Variants in KCNQ3 observed in about 807,000 individuals in gnomAD.
The protein encoded by KCNQ3 is potassium voltage-gated channel subfamily Q member 3, also known as potassium voltage-gated channel subfamily KQT member 3.
Under a neutral mutation model 92.5 loss-of-function variants are expected in KCNQ3, and 30 were observed. That is an observed-to-expected ratio of 0.32 (90% CI 0.24 to 0.44). The LOEUF is 0.44. Among genes scored for constraint, KCNQ3 ranks in the 20% least tolerant of loss-of-function variants. The pLI, the probability that KCNQ3 is intolerant of heterozygous loss-of-function variation, is 1.00. For missense variants in KCNQ3, 913 were observed against 1,140.3 expected (o/e 0.80, Z 2.87); for synonymous variants, 450 against 468.8 (o/e 0.96, Z 0.52).
At chr8:132,302,354 T>A (rs1401019451) in intron 1 of KCNQ3, among the ~76,000 whole-genome samples, 3 of 152,224 alleles carry the variant, frequency 2.0e-5, no homozygotes, top group Non-Finnish European at 4.4e-5. Flanking sequence ...TTCATTTTCA[T>A]GGTGACAATG....
Position 132,316,567 on chromosome 8 carries a change from G to A in KCNQ3, c.387-130386C>T, listed in dbSNP as rs565840201. 9.7e-4 allele frequency among the ~76,000 whole-genome samples: 147 copies of A among 152,220 alleles called. 3 individuals carry two copies. Among genetic ancestry groups the A allele is most frequent in the Admixed American group, 6.5e-4 (10 of 15,286 alleles). Reference sequence around the variant, plus strand: ...GTACTAGCACAGCATCTAGCCCAGAGTGATTGTGAAATTCTGCACACATCT... The same window carrying A: ...GTACTAGCACAGCATCTAGCCCAGAATGATTGTGAAATTCTGCACACATCT... On this transcript the variant is annotated intron_variant, in intron 1 of 14. Coordinates refer to ENST00000388996, the MANE Select transcript of KCNQ3 (RefSeq NM_004519.4).
intron 1 of KCNQ3, among the ~76,000 whole-genome samples, chr8:132,256,309 G>A (rs976779834): frequency 6.6e-6 from 1 of 151,838 alleles, no homozygotes; most frequent in Non-Finnish European, 1.5e-5. Flanking sequence ...TCAAATTGAG[G>A]AATAAAAAGA....
intron 1 of KCNQ3, among the ~76,000 whole-genome samples, chr8:132,361,256 A>G (rs1819160703): frequency 6.6e-6 from 1 of 152,156 alleles, no homozygotes; most frequent in African/African-American, 2.4e-5. Flanking sequence ...CACAGAGAAC[A>G]CTGCAAGCAA....
chr8:132,137,859 A>G, intron 12 of KCNQ3, 26 bp downstream of exon 12: 2 of 1,613,248 alleles, frequency 1.2e-6, no homozygotes, highest in Non-Finnish European at 8.5e-7. Context: ...AGGGGAGCGC[A>G]GTCCCTCCAG....
At chr8:132,384,459 T>C (rs576864036) in intron 1 of KCNQ3, among the ~76,000 whole-genome samples, 1 of 152,312 alleles carries the variant, frequency 6.6e-6, no homozygotes, top group Non-Finnish European at 1.5e-5. Flanking sequence ...AAAGAGGTCA[T>C]GTACAATGGA....
At chr8:132,268,508 C>T (rs1816058253) in intron 1 of KCNQ3, among the ~76,000 whole-genome samples, 1 of 152,158 alleles carries the variant, frequency 6.6e-6, no homozygotes, top group South Asian at 2.1e-4. Context: ...ATCTGCCTGC[C>T]TCGGTCTCCC....
chr8:132,393,695 T>C (rs1478973127), intron 1 of KCNQ3, among the ~76,000 whole-genome samples: 1 of 152,152 alleles, frequency 6.6e-6, no homozygotes, highest in Non-Finnish European at 1.5e-5. Flanking sequence ...ATTTCATCCA[T>C]AGAACACCTA....
At chr8:132,174,864 G>A (rs139632147) in intron 5 of KCNQ3, among the ~76,000 whole-genome samples, 97 of 152,306 alleles carry the variant, frequency 6.4e-4, no homozygotes, top group Non-Finnish European at 1.2e-3. Context: ...GTGGCCTCCG[G>A]AGCCTAACTA....
intron 1 of KCNQ3, among the ~76,000 whole-genome samples, chr8:132,352,912 G>A (rs1818914873): frequency 6.6e-6 from 1 of 152,154 alleles, no homozygotes; most frequent in Non-Finnish European, 1.5e-5. Context: ...GTCCCAGGAA[G>A]GCTGGTTTGG....
At chr8:132,187,111 T>C (rs1407584049) in intron 1 of KCNQ3, 6 of 451,812 alleles carry the variant, frequency 1.3e-5, no homozygotes, top group Non-Finnish European at 2.7e-5. Context: ...ATTTATAAGC[T>C]AGGGTTTATG....
chr8:132,353,677 G>T (rs754976024), intron 1 of KCNQ3, among the ~76,000 whole-genome samples: 13 of 152,100 alleles, frequency 8.5e-5, no homozygotes, highest in Non-Finnish European at 1.5e-5. Flanking sequence ...AGCTGGGCGT[G>T]GTGGCGCACG....
chr8:132,223,501 G>T (rs1309137596), intron 1 of KCNQ3, among the ~76,000 whole-genome samples: 2 of 152,180 alleles, frequency 1.3e-5, no homozygotes, highest in East Asian at 3.9e-4. Flanking sequence ...CTATCAATTT[G>T]TATTAGTTAT....
chr8:132,251,202 G>A (rs1303664796), intron 1 of KCNQ3, among the ~76,000 whole-genome samples: 1 of 152,144 alleles, frequency 6.6e-6, no homozygotes, highest in African/African-American at 2.4e-5. Flanking sequence ...GGGAGGTGGA[G>A]GAGGCAGTGA....
At chr8:132,229,278 T>A (rs1010682095) in intron 1 of KCNQ3, among the ~76,000 whole-genome samples, 1 of 143,466 alleles carries the variant, frequency 7.0e-6, no homozygotes, top group South Asian at 2.3e-4. Flanking sequence ...AAAAAAAAAA[T>A]TCTGGATATG....
At chr8:132,198,150 G>A (rs1385556437) in intron 1 of KCNQ3, among the ~76,000 whole-genome samples, 1 of 152,196 alleles carries the variant, frequency 6.6e-6, no homozygotes, top group Non-Finnish European at 1.5e-5. Flanking sequence ...AAGTTGCTGT[G>A]CTAGAGAAGC....
chr8:132,132,108 G>C (rs1038590994), intron 14 of KCNQ3, 72 bp downstream of exon 14: 1 of 1,035,812 alleles, frequency 9.7e-7, no homozygotes, highest in Non-Finnish European at 1.5e-6. Context: ...AAGAAAGAAA[G>C]AAAAAAAAGA....
chr8:132,291,337 G>C (rs139814114), intron 1 of KCNQ3, among the ~76,000 whole-genome samples: 1 of 152,146 alleles, frequency 6.6e-6, no homozygotes, highest in Non-Finnish European at 1.5e-5. Flanking sequence ...CTTTGCAAAA[G>C]TACCAATAAA....
chr8:132,185,852 A>G (rs757527977), intron 2 of KCNQ3, among the ~76,000 whole-genome samples: 5 of 152,046 alleles, frequency 3.3e-5, no homozygotes, highest in Admixed American at 6.6e-5. Flanking sequence ...CTTTGACTTT[A>G]TTTCCCCTTC....
chr8:132,140,256 C>T (rs1263910614), intron 10 of KCNQ3, 78 bp from the exon 11 acceptor site: 1 of 920,690 alleles, frequency 1.1e-6, no homozygotes, highest in Non-Finnish European at 1.7e-6. Context: ...CGGTCAAAGC[C>T]TTCCACGCCT....
Sources: gnomAD v4.1 joint callset for allele counts (sites outside exome capture counted in the v4.1 genomes callset) on GRCh38, gnomAD v4.1.1 for gene constraint, MANE v1.5 for transcripts, NCBI Gene and HGNC (gene_info 2026-07-23, HGNC 2026-07-21) for gene names.